SLC9C1: variants seen among roughly 807,000 people sequenced by gnomAD.
The protein encoded by SLC9C1 is sodium/hydrogen exchanger 10.
In SLC9C1, 97 loss-of-function variants were observed where a neutral mutation model predicts 140.9. The ratio of observed to expected loss-of-function variants is 0.69; its 90% CI spans 0.58 to 0.82. The LOEUF is 0.82. SLC9C1 is among the 40% of genes least tolerant of loss of function. SLC9C1 has a pLI of 0.00. For synonymous variants in SLC9C1, 440 were observed against 442.6 expected, an observed-to-expected ratio of 0.99 and a Z score of 0.07; for missense variants, 1,340 against 1,389.3, an observed-to-expected ratio of 0.96 and a Z score of 0.56.
chr3:112,200,653 C>T (rs1012561885), intron 19 of SLC9C1, 58 bp downstream of exon 19: 1 of 1,502,378 alleles, frequency 6.7e-7, no homozygotes, highest in African/African-American at 1.4e-5. Context: ...AAACCATTGC[C>T]TTTCTGAAGT....
intron 20 of SLC9C1, among the ~76,000 whole-genome samples, chr3:112,194,099 G>A (rs1445691725): frequency 6.6e-6 from 1 of 152,092 alleles, no homozygotes; most frequent in Non-Finnish European, 1.5e-5. Context: ...AGATGGGTAG[G>A]GAGTGGGGCG....
intron 16 of SLC9C1, among the ~76,000 whole-genome samples, chr3:112,206,135 T>G (rs377696100): frequency 1.6e-5 from 1 of 63,496 alleles, no homozygotes; most frequent in Non-Finnish European, 3.5e-5. Flanking sequence ...GAATCTACAA[T>G]GAACTCAAAC....
intron 25 of SLC9C1, among the ~76,000 whole-genome samples, chr3:112,167,854 T>C (rs986749417): frequency 2.6e-5 from 4 of 152,168 alleles, no homozygotes; most frequent in Non-Finnish European, 5.9e-5. Flanking sequence ...TGCTTGGCTG[T>C]CTAAATTCTC....
Position 112,169,269 on chromosome 3 carries a change from A to C in SLC9C1, c.2979T>G (p.Ile993Met), listed in dbSNP as rs748426980. The part of the protein sequence containing the change: ...YDAFEQCSPL[I>M]KQKMWLKLGL... ...CAAGTTTTAGCCACATTTTTTGTTTAATGAGAGGAGAGCATTGCTCAAAAG... is the reference window on the plus strand; with the variant it reads ...CAAGTTTTAGCCACATTTTTTGTTTCATGAGAGGAGAGCATTGCTCAAAAG... Residue 993 changes from isoleucine (I) to methionine (M), a missense_variant, in exon 24 of 29, where the codon ATT becomes ATG. Physicochemically the swap from Ile to Met is conservative, Grantham distance 10. Coordinates refer to ENST00000305815, the MANE Select transcript of SLC9C1 (RefSeq NM_183061.3). 6.2e-7 allele frequency: 1 copy of C among 1,613,436 alleles called. No homozygotes were observed.
intron 23 of SLC9C1, among the ~76,000 whole-genome samples, chr3:112,177,535 A>G (rs1057456788): frequency 1.3e-5 from 2 of 149,570 alleles, no homozygotes; most frequent in African/African-American, 4.9e-5. Context: ...CAGGATCGCC[A>G]TCTTCTGCTT....
chr3:112,149,161 A>G (rs1220000493), intron 28 of SLC9C1, among the ~76,000 whole-genome samples: 1 of 152,100 alleles, frequency 6.6e-6, no homozygotes, highest in Non-Finnish European at 1.5e-5. Context: ...CTGCACAGGA[A>G]GTGGGGGGAG....
Position 112,270,016 on chromosome 3 carries a change from T to C in SLC9C1, c.675A>G (p.Leu225=). The change falls in exon 7 of 29, where the codon CTA becomes CTG. Residue 225 remains leucine, a synonymous_variant. Transcript: ENST00000305815. The part of the protein sequence containing the change: ...YIIASFLFGI[L]SSKLIQFWMS... ...TCCAAAATTGAATCAGTTTTGAACT[T>C]AGAATTCCAAACAAGAAACTTGCTA... The C allele has an allele frequency of 6.3e-7, 1 of 1,598,312 alleles. No homozygotes were observed.
At chr3:112,154,565 C>A (rs1214667163) in intron 27 of SLC9C1, among the ~76,000 whole-genome samples, 1 of 152,130 alleles carries the variant, frequency 6.6e-6, no homozygotes, top group African/African-American at 2.4e-5. Context: ...TATTGAGCTC[C>A]TTCTTTCTGT....
chr3:112,213,671 T>C (rs948757224), intron 15 of SLC9C1, among the ~76,000 whole-genome samples: 1 of 152,172 alleles, frequency 6.6e-6, no homozygotes, highest in Non-Finnish European at 1.5e-5. Flanking sequence ...CCTAAATATA[T>C]ATGCACCCAA....
chr3:112,232,659 C>G (rs1465410806), intron 12 of SLC9C1, among the ~76,000 whole-genome samples: 2 of 151,890 alleles, frequency 1.3e-5, no homozygotes, highest in African/African-American at 2.4e-5. Context: ...AAAACAAAAA[C>G]AAAAACATTG....
chr3:112,151,468 C>G (rs1268992005), intron 28 of SLC9C1: 1 of 519,438 alleles, frequency 1.9e-6, no homozygotes. Flanking sequence ...TAATTGCCTT[C>G]TGGTAGGTTT....
intron 15 of SLC9C1, among the ~76,000 whole-genome samples, chr3:112,213,020 C>G (rs2078251886): frequency 6.6e-6 from 1 of 152,172 alleles, no homozygotes; most frequent in Admixed American, 6.5e-5. Flanking sequence ...AGCAGAAACT[C>G]TACAAGGCAG....
intron 27 of SLC9C1, among the ~76,000 whole-genome samples, chr3:112,153,247 A>T (rs1295658163): frequency 6.6e-6 from 1 of 152,118 alleles, no homozygotes; most frequent in Admixed American, 6.6e-5. Context: ...CCACCATGCC[A>T]TCATTCTTTT....
At chr3:112,161,701 G>A (rs1038984002) in intron 26 of SLC9C1, among the ~76,000 whole-genome samples, 4 of 152,138 alleles carry the variant, frequency 2.6e-5, no homozygotes, top group Non-Finnish European at 1.5e-5. Flanking sequence ...AAGTCAGGTA[G>A]CGTGATGCCT....
chr3:112,210,963 T>C (rs2078186490), intron 15 of SLC9C1, among the ~76,000 whole-genome samples: 1 of 152,220 alleles, frequency 6.6e-6, no homozygotes, highest in Non-Finnish European at 1.5e-5. Flanking sequence ...TGCCATAATC[T>C]CCTTTGATTT....
At position 112,200,901 on chromosome 3, in the gene SLC9C1, T is replaced by C. The variant is rs143412668; in HGVS notation, c.2323-139A>G. On this transcript the variant is annotated intron_variant, in intron 18 of 28. Transcript: ENST00000305815. ...ATGAAGAGGTTTTCAGGGGTTCGAA[T>C]TGAATTTTGTGCCGCAGCACTTTTT... 6.9e-4 allele frequency: 495 copies of C among 719,724 alleles called. 2 individuals carry two copies. The highest frequency in any genetic ancestry group is 6.6e-3 in the African/African-American group (359 of 54,752). 44.6% of individuals were successfully genotyped at this position (719,724 alleles called of 1,614,324 possible).
chr3:112,238,491 T>G (rs1014226597), intron 12 of SLC9C1, among the ~76,000 whole-genome samples: 1 of 152,242 alleles, frequency 6.6e-6, no homozygotes, highest in African/African-American at 2.4e-5. Flanking sequence ...TTTTTTCTGT[T>G]GCTGGTGAGG....
At chr3:112,271,522 T>C (rs1483619075) in intron 6 of SLC9C1, among the ~76,000 whole-genome samples, 1 of 151,844 alleles carries the variant, frequency 6.6e-6, no homozygotes, top group African/African-American at 2.4e-5. Flanking sequence ...ATTTTCTTGT[T>C]TCTGTGTTGA....
At chr3:112,151,315 G>T (rs1250127303) in intron 28 of SLC9C1, 1 of 518,538 alleles carries the variant, frequency 1.9e-6, no homozygotes, top group East Asian at 5.4e-5. Flanking sequence ...TTCCCCAAAG[G>T]TCTTGCTTTC....
Sources: gnomAD v4.1 joint callset for allele counts (sites outside exome capture counted in the v4.1 genomes callset) on GRCh38, gnomAD v4.1.1 for gene constraint, MANE v1.5 for transcripts, NCBI Gene and HGNC (gene_info 2026-07-23, HGNC 2026-07-21) for gene names.